Variants in MTF1 observed in about 807,000 individuals in gnomAD.
The protein encoded by MTF1 is MRE-binding transcription factor.
MTF1 carries 22 observed loss-of-function variants against 70.4 expected under a neutral mutation model. That is an observed-to-expected ratio of 0.31 (90% confidence interval 0.22 to 0.45). The LOEUF (loss-of-function observed/expected upper bound fraction) is 0.45. Ranked by LOEUF, MTF1 falls within the 20% of genes least tolerant of loss-of-function variation. The pLI is 1.00. For missense variants in MTF1, 649 were observed against 922.0 expected (o/e 0.70, Z 3.83); for synonymous variants, 333 against 352.8 (o/e 0.94, Z 0.63).
At chr1:37,822,779 C>G (rs1640938300) in intron 8 of MTF1, 63 bp from the exon 9 acceptor site, 1 of 1,194,994 alleles carries the variant, frequency 8.4e-7, no homozygotes, top group Non-Finnish European at 1.2e-6. Flanking sequence ...GCCACAAAAA[C>G]AGTCATTATG....
chr1:37,834,608 G>T (rs1179033947), intron 6 of MTF1: 1 of 456,082 alleles, frequency 2.2e-6, no homozygotes, highest in Non-Finnish European at 4.4e-6. Flanking sequence ...CAGAAGAGGG[G>T]GAAAAGGTCC....
intron 2 of MTF1, among the ~76,000 whole-genome samples, chr1:37,852,384 C>G (rs1189904513): frequency 6.6e-6 from 1 of 152,214 alleles, no homozygotes; most frequent in African/African-American, 2.4e-5. Flanking sequence ...TTTTCCTTTT[C>G]CCATCTTTCT....
At chr1:37,858,271 G>A (rs530373723) in intron 1 of MTF1, among the ~76,000 whole-genome samples, 1 of 152,298 alleles carries the variant, frequency 6.6e-6, no homozygotes, top group South Asian at 2.1e-4. Flanking sequence ...ATGGTAGAAG[G>A]AGCAAGGCTT....
At chr1:37,852,821 G>A (rs1168732315) in intron 2 of MTF1, among the ~76,000 whole-genome samples, 1 of 152,012 alleles carries the variant, frequency 6.6e-6, no homozygotes, top group Non-Finnish European at 1.5e-5. Context: ...AGTAGAGACA[G>A]GGTTTCACCA....
In MTF1 at chr1:37,835,690, A is replaced by C; in HGVS notation, c.834T>G (p.Thr278=). Reference sequence around the variant, plus strand: ...ACTCACCAGTATGTGTACGAACGTGAGTTTTAAGGTGGTGGCTTGCTGCAA... The same window carrying C: ...ACTCACCAGTATGTGTACGAACGTGCGTTTTAAGGTGGTGGCTTGCTGCAA... ...KAFAASHHLK[T]HVRTHTGERP... Residue 278 remains threonine (T), a synonymous_variant, in exon 5 of 11, where the codon ACT becomes ACG. Transcript: ENST00000373036. The C allele has an allele frequency of 6.2e-7, 1 of 1,614,190 alleles. No homozygotes were observed. Among genetic ancestry groups the C allele is most frequent in the Non-Finnish European group, 8.5e-7 (1 of 1,180,006 alleles).
chr1:37,841,264 C>A, intron 2 of MTF1: 1 of 154,926 alleles, frequency 6.5e-6, no homozygotes, highest in South Asian at 1.7e-4. Context: ...GGGCCATGAT[C>A]CTGGTCAAGC....
rs1640795958 is a variant in MTF1 at position 37,815,208 on chromosome 1, G to A, written c.2190C>T (p.Ser730=). 1 of 1,614,038 alleles carries A rather than the reference G, an allele frequency of 6.2e-7. No individual in the cohort carries two copies. Residue 730 remains serine, a synonymous_variant, in exon 11 of 11, where the codon TCC becomes TCT. Transcript: ENST00000373036. The surrounding 1 kb of genome is among the most constrained non-coding windows in gnomAD (Gnocchi z 4.5). ...FLSLQSLDTP[S]NLIPIEALLQ... ...GTAGTGCTTCAATGGGAATCAGATT[G>A]GACGGGGTGTCCAGGCTCTGGAGGG...
intron 1 of MTF1, among the ~76,000 whole-genome samples, chr1:37,859,001 G>C (rs1302178987): frequency 6.6e-6 from 1 of 152,226 alleles, no homozygotes; most frequent in Admixed American, 6.5e-5. Context: ...TGGCTAGACA[G>C]TTACCAGAGA....
intron 2 of MTF1, among the ~76,000 whole-genome samples, chr1:37,843,030 T>C (rs2148416295): frequency 6.6e-6 from 1 of 152,330 alleles, no homozygotes; most frequent in South Asian, 2.1e-4. Context: ...TTTTTGTTTT[T>C]GTTTTTAAGA....
intron 9 of MTF1, among the ~76,000 whole-genome samples, chr1:37,821,883 T>C (rs1640915432): frequency 6.6e-6 from 1 of 152,148 alleles, no homozygotes; most frequent in Admixed American, 6.5e-5. Context: ...AGTAGGAATA[T>C]TTGTTTGAGT....
At chr1:37,832,541 T>G (rs1641103048) in intron 6 of MTF1, among the ~76,000 whole-genome samples, 1 of 152,226 alleles carries the variant, frequency 6.6e-6, no homozygotes, top group South Asian at 2.1e-4. Context: ...GCAGGTTTGT[T>G]ACATTATGTA....
chr1:37,814,502 GC>G lies in MTF1; in HGVS notation c.*633del, dbSNP rs2148396909. 6.5e-6 allele frequency: 1 copy of G among 153,902 alleles called. No individual in the cohort carries two copies. The highest frequency in any genetic ancestry group is 1.9e-4 in the East Asian group (1 of 5,216). 9.5% of individuals were successfully genotyped at this position (153,902 alleles called of 1,614,324 possible). On this transcript the variant is annotated 3_prime_UTR_variant, in exon 11 of 11. Coordinates refer to ENST00000373036, the MANE Select transcript of MTF1 (RefSeq NM_005955.3). ...ATCAACCCCACAGCCTGTGAGCCAG[GC>G]CTTAAGCTGCCTATTTGTGCTGAAG...
At chr1:37,828,211 G>T (rs749517164) in intron 7 of MTF1, 9 of 396,190 alleles carry the variant, frequency 2.3e-5, no homozygotes, top group Middle Eastern at 3.5e-4. Context: ...CTTAGTTGTT[G>T]TAAGTCAGAA....
chr1:37,846,954 A>C (rs978284424), intron 2 of MTF1, among the ~76,000 whole-genome samples: 1 of 152,110 alleles, frequency 6.6e-6, no homozygotes, highest in Non-Finnish European at 1.5e-5. Context: ...GGCTATAGAA[A>C]CTGCCTTTTC....
intron 7 of MTF1, among the ~76,000 whole-genome samples, chr1:37,826,310 G>A (rs1008023559): frequency 1.1e-4 from 16 of 151,846 alleles, no homozygotes; most frequent in Non-Finnish European, 2.2e-4. Flanking sequence ...TTTTTCAGAC[G>A]GGGTCTAGCT....
rs529295071 is a variant in MTF1, at chr1:37,854,190, A to G, written c.408+3061T>C. On this transcript the variant is annotated intron_variant, in intron 2 of 10. Transcript: ENST00000373036. ...GCCCGGCTAATTTTTTGTATTTTTA[A>G]TAGACACAGGGTTTCATTGTGTTGG... Among the ~76,000 whole-genome samples, 31 of 152,190 alleles carry G rather than the reference A, an allele frequency of 2.0e-4. No homozygotes were observed. The South Asian group carries it at 6.2e-3, about 31-fold the overall frequency.
chr1:37,823,882 C>T (rs1242974432), intron 7 of MTF1, 70 bp from the exon 8 acceptor site: 48 of 1,115,212 alleles, frequency 4.3e-5, no homozygotes, highest in Non-Finnish European at 4.1e-6. Flanking sequence ...AAAACACATT[C>T]AAAGCAGCAG....
chr1:37,856,138 T>C (rs927693909), intron 2 of MTF1, among the ~76,000 whole-genome samples: 1 of 150,240 alleles, frequency 6.7e-6, no homozygotes, highest in African/African-American at 2.4e-5. Context: ...TTAGATAACC[T>C]GCTCTCATTT....
At chr1:37,852,510 G>A (rs1383704763) in intron 2 of MTF1, among the ~76,000 whole-genome samples, 2 of 152,068 alleles carry the variant, frequency 1.3e-5, no homozygotes, top group Non-Finnish European at 2.9e-5. Context: ...CTACCACAAC[G>A]GACTCTTAAC....
Sources: gnomAD v4.1 joint callset for allele counts (sites outside exome capture counted in the v4.1 genomes callset) on GRCh38, gnomAD v4.1.1 for gene constraint, Gnocchi (gnomAD v3.1) non-coding constraint, MANE v1.5 for transcripts, NCBI Gene and HGNC (gene_info 2026-07-23, HGNC 2026-07-21) for gene names.